Variants in UCMA observed in about 807,000 individuals in gnomAD.
UCMA encodes upper zone of growth plate and cartilage matrix associated, also known as upper zone of growth plate and cartilage matrix-associated protein.
A neutral mutation model predicts 21.8 loss-of-function variants in UCMA; 21 were observed. The ratio of observed to expected loss-of-function variants is 0.97; its 90% CI spans 0.68 to 1.39. UCMA has a LOEUF of 1.39. Among genes scored for constraint, UCMA ranks in the 40% most tolerant of loss-of-function variants. The probability of loss-of-function intolerance (pLI) is 0.00; values close to 1 mark genes in which losing one functional copy is unlikely to be tolerated. For missense variants in UCMA, 193 were observed against 178.9 expected (o/e 1.08, Z -0.45); for synonymous variants, 76 against 67.9 (o/e 1.12, Z -0.58).
Position 13,222,131 on chromosome 10 carries a change from G to A in UCMA, c.389C>T (p.Ser130Phe), listed in dbSNP as rs769818217. The change falls in exon 5 of 5, where the codon TCC becomes TTC. Residue 130 changes from serine to phenylalanine, a missense_variant. Transcript: ENST00000378681. Reference protein sequence around the residue: ...RQWHYDGLHPSYLYNRHHT With the variant: ...RQWHYDGLHPFYLYNRHHT ...GGTGTGGTGGCGGTTGTAGAGATAG[G>A]ATGGGTGCAGGCCGTCATAGTGCCA... 1.2e-6 allele frequency: 2 copies of A among 1,614,058 alleles called. No individual in the cohort carries two copies. The highest frequency in any genetic ancestry group is 2.2e-5 in the East Asian group (1 of 44,888).
Position 13,233,782 on chromosome 10 carries a change from C to G in UCMA, c.77G>C (p.Ser26Thr). The change falls in exon 2 of 5, where the codon AGT becomes ACT. Residue 26 changes from serine (S) to threonine (T), a missense_variant. Ser to Thr is a moderately conservative substitution (Grantham distance 58, BLOSUM62 1). Transcript: ENST00000378681. ...CATCTGCATGGTGCCCACAGATACA[C>G]TGGTTCCCTCTCTCAGCACTGCAGG... ...VLLSMLREGT[S>T]VSVGTMQMAG... is the part of the protein sequence containing the mutation. 1 of 1,613,970 alleles carries G rather than the reference C, an allele frequency of 6.2e-7. No homozygotes were observed.
At chr10:13,227,038 C>T (rs561053458) in intron 4 of UCMA, among the ~76,000 whole-genome samples, 1 of 152,298 alleles carries the variant, frequency 6.6e-6, no homozygotes, top group South Asian at 2.1e-4. Flanking sequence ...AAGCTGCCCA[C>T]CAAGATAAAC....
At chr10:13,229,855 A>T in intron 3 of UCMA, 146 bp from the exon 4 acceptor site, 1 of 626,454 alleles carries the variant, frequency 1.6e-6, no homozygotes, top group Non-Finnish European at 2.8e-6. Flanking sequence ...CTTCCCTGAA[A>T]TGATTTACTC....
intron 4 of UCMA, among the ~76,000 whole-genome samples, chr10:13,224,559 C>G (rs1834800171): frequency 6.6e-6 from 1 of 152,160 alleles, no homozygotes. Flanking sequence ...AATTAAAGAA[C>G]CAAGATGTCT....
intron 4 of UCMA, 136 bp from the exon 5 acceptor site, chr10:13,222,336 C>G: frequency 2.7e-6 from 2 of 748,346 alleles, no homozygotes; most frequent in Non-Finnish European, 4.4e-6. Flanking sequence ...GAGAGAAGGC[C>G]AGGACTGGTG....
Position 13,234,203 on chromosome 10 carries a change from G to T in UCMA, c.56C>A (p.Ser19Tyr). The T allele has an allele frequency of 6.2e-7, 1 of 1,613,660 alleles. No homozygotes were observed. Among genetic ancestry groups the T allele is most frequent in the Non-Finnish European group, 8.5e-7 (1 of 1,179,878 alleles). Residue 19 changes from serine (S) to tyrosine (Y), a missense_variant and splice_region_variant, in exon 1 of 5, where the codon TCT (serine) becomes TAT (tyrosine). Transcript: ENST00000378681. Reference protein sequence around the residue: ...LSCFSAVVLLSMLREGTSVSV... With the variant: ...LSCFSAVVLLYMLREGTSVSV... ...CACCTTGACCCTCCTGTACTCACTAGACAGGAGCACCACGGCGGAGAAGCA... is the reference window on the plus strand; with the variant it reads ...CACCTTGACCCTCCTGTACTCACTATACAGGAGCACCACGGCGGAGAAGCA...
In UCMA at chr10:13,221,993, C is replaced by A. The variant is rs1477683260; in HGVS notation, c.*110G>T. On this transcript the variant is annotated 3_prime_UTR_variant, in exon 5 of 5. Transcript: ENST00000378681. ...TTCAAGAGCTGCTGGCCACTGCAGA[C>A]CCCAAGCTGAGACCCTCTGAAGGGC... is the stretch of plus-strand genomic sequence containing the variant. 1.9e-5 allele frequency: 21 copies of A among 1,130,962 alleles called. No homozygotes were observed. The highest frequency in any genetic ancestry group is 2.6e-5 in the Non-Finnish European group (20 of 764,330). 70.1% of individuals were successfully genotyped at this position (1,130,962 alleles called of 1,614,324 possible).
chr10:13,228,415 G>A (rs1414870143), intron 4 of UCMA, among the ~76,000 whole-genome samples: 1 of 152,152 alleles, frequency 6.6e-6, no homozygotes, highest in Non-Finnish European at 1.5e-5. Context: ...AATAGGAGAA[G>A]CATAAAGCCA....
intron 3 of UCMA, among the ~76,000 whole-genome samples, chr10:13,232,875 G>T (rs1374756998): frequency 6.6e-6 from 1 of 152,082 alleles, no homozygotes; most frequent in South Asian, 2.1e-4. Flanking sequence ...TGAAGCCGGG[G>T]CTCCACAGGC....
chr10:13,231,709 CTA>C (rs1386303286), intron 3 of UCMA, among the ~76,000 whole-genome samples: 5 of 152,198 alleles, frequency 3.3e-5, no homozygotes, highest in Non-Finnish European at 5.9e-5. Context: ...TAATTTTATA[CTA>C]TGTGTCATTC....
chr10:13,233,675 C>A lies in UCMA; in HGVS notation c.125-42G>T, dbSNP rs777435825. 3 of 1,613,664 alleles carry A rather than the reference C, an allele frequency of 1.9e-6. No homozygotes were observed. The East Asian group carries it at 6.7e-5, about 36-fold the overall frequency. On this transcript the variant is annotated intron_variant, in intron 2 of 4. Transcript: ENST00000378681. ...GCCTGTCACCAGCAGTGTGGGGGTG[C>A]TGGGGCTGCTGCTTCGCTGGCTGCA...
chr10:13,227,644 G>T (rs1301547440), intron 4 of UCMA, among the ~76,000 whole-genome samples: 2 of 150,590 alleles, frequency 1.3e-5, no homozygotes. Flanking sequence ...CTTGAACTCG[G>T]AGCGGGAGGT....
At chr10:13,228,893 C>G (rs1159120664) in intron 4 of UCMA, among the ~76,000 whole-genome samples, 3 of 151,942 alleles carry the variant, frequency 2.0e-5, no homozygotes. Flanking sequence ...TCCACACCTT[C>G]TCAAGTTCTG....
At chr10:13,233,700 A>G (rs1175433294) in intron 2 of UCMA, 35 bp downstream of exon 2, 7 of 1,613,826 alleles carry the variant, frequency 4.3e-6, no homozygotes, top group Non-Finnish European at 4.2e-6. Flanking sequence ...CGCTGGCTGC[A>G]CCTGCCCTGC....
At chr10:13,232,760 G>C (rs1834915470) in intron 3 of UCMA, among the ~76,000 whole-genome samples, 1 of 152,080 alleles carries the variant, frequency 6.6e-6, no homozygotes, top group Non-Finnish European at 1.5e-5. Context: ...ACTCAAGCCA[G>C]AGACTCGGGA....
intron 4 of UCMA, among the ~76,000 whole-genome samples, chr10:13,222,951 G>A (rs1412455770): frequency 6.6e-6 from 1 of 151,782 alleles, no homozygotes; most frequent in Non-Finnish European, 1.5e-5. Context: ...TTGGCCAGGC[G>A]GGATGGCTCA....
intron 4 of UCMA, among the ~76,000 whole-genome samples, chr10:13,225,529 G>A (rs983667832): frequency 1.3e-5 from 2 of 151,980 alleles, no homozygotes; most frequent in African/African-American, 4.8e-5. Context: ...ACAAAAATTA[G>A]CAAGGCGTGG....
At chr10:13,224,411 GAAAA>G (rs1363374052) in intron 4 of UCMA, among the ~76,000 whole-genome samples, 1 of 151,706 alleles carries the variant, frequency 6.6e-6, no homozygotes, top group Non-Finnish European at 1.5e-5. Context: ...AAAAGAGAAA[GAAAA>G]AGAAAGGAAA....
intron 4 of UCMA, among the ~76,000 whole-genome samples, chr10:13,226,602 C>T (rs76988822): frequency 0.043 from 6,574 of 152,258 alleles, 156 homozygotes; most frequent in Middle Eastern, 0.078. Flanking sequence ...TGGGATTACA[C>T]GTGTAAGCCA....
Sources: allele counts gnomAD v4.1 joint callset (sites outside exome capture counted in the v4.1 genomes callset), GRCh38; gene constraint gnomAD v4.1.1; transcripts MANE v1.5; gene names NCBI Gene and HGNC (gene_info 2026-07-23, HGNC 2026-07-21).